The following YLPM1 variants were observed in gnomAD, a reference collection of about 807,000 sequenced individuals.
The protein encoded by YLPM1 is YLP motif-containing protein 1.
In YLPM1, 99 loss-of-function variants were observed where a neutral mutation model predicts 230.0. The ratio of observed to expected loss-of-function variants is 0.43; its 90% CI spans 0.37 to 0.51. The LOEUF is 0.51. Among genes scored for constraint, YLPM1 ranks in the 20% least tolerant of loss-of-function variants. The pLI is 0.00. For synonymous variants in YLPM1, 984 were observed against 942.5 expected, an observed-to-expected ratio of 1.04 and a Z score of -0.81; for missense variants, 2,592 against 2,707.7, an observed-to-expected ratio of 0.96 and a Z score of 0.95.
In YLPM1 at chr14:74,798,232, G is replaced by A; in HGVS notation, c.2935G>A (p.Asp979Asn). Reference protein sequence around the residue: ...TAVATSSLTADNDFKPVGIGL... With the variant: ...TAVATSSLTANNDFKPVGIGL... ...AGTAGCAACATCATCATTAACAGCA[G>A]ATAATGATTTTAAACCTGTGGGTAT... The change falls in exon 5 of 21, where the codon GAT (aspartate) becomes AAT (asparagine). Residue 979 changes from aspartate (D) to asparagine (N), a missense_variant. Transcript: ENST00000325680. The A allele has an allele frequency of 6.2e-7, 1 of 1,613,964 alleles. No homozygotes were observed. Among genetic ancestry groups the A allele is most frequent in the East Asian group, 2.2e-5 (1 of 44,864 alleles).
At chr14:74,782,354 T>C in intron 4 of YLPM1, 29 bp downstream of exon 4, 1 of 1,492,282 alleles carries the variant, frequency 6.7e-7, no homozygotes, top group Non-Finnish European at 8.8e-7. Context: ...CTCTTTTTTT[T>C]TGGTTTGGCT....
At chr14:74,833,810 C>T (rs143720674) in intron 19 of YLPM1, among the ~76,000 whole-genome samples, 9 of 152,278 alleles carry the variant, frequency 5.9e-5, no homozygotes, top group African/African-American at 2.2e-4. Flanking sequence ...CATTGCTAGT[C>T]ATGCAAATGG....
In YLPM1 at chr14:74,812,668, A is replaced by G; in HGVS notation, c.5388A>G (p.Pro1796=). 1 of 1,613,640 alleles carries G rather than the reference A, an allele frequency of 6.2e-7. No homozygotes were observed. The highest frequency in any genetic ancestry group is 1.3e-5 in the African/African-American group (1 of 75,018). Residue 1796 remains proline (P), a synonymous_variant, in exon 11 of 21, where the codon CCA becomes CCG. Transcript: ENST00000325680. Reference sequence around the variant, plus strand: ...ATCCTGAGGAGCGAATGCCTCTGCCAGCTCCTTCACTGAGCCACCAGCCTC... The same window carrying G: ...ATCCTGAGGAGCGAATGCCTCTGCCGGCTCCTTCACTGAGCCACCAGCCTC... ...RTYPEERMPL[P]APSLSHQPPP...
At chr14:74,767,818 AT>A (rs747395491) in intron 1 of YLPM1, among the ~76,000 whole-genome samples, 2,851 of 141,710 alleles carry the variant, frequency 0.02, 25 homozygotes, top group Middle Eastern at 0.051. Context: ...TGTCTTCCAC[AT>A]TTTTTTTTTT....
intron 18 of YLPM1, among the ~76,000 whole-genome samples, chr14:74,825,938 T>G (rs1594846134): frequency 1.3e-5 from 2 of 152,276 alleles, no homozygotes; most frequent in East Asian, 3.9e-4. Flanking sequence ...TTCTTGGAAT[T>G]TCTGGAAAAC....
At chr14:74,766,477 A>G (rs1353318720) in intron 1 of YLPM1, among the ~76,000 whole-genome samples, 2 of 151,826 alleles carry the variant, frequency 1.3e-5, no homozygotes, top group African/African-American at 2.4e-5. Context: ...GGCCTTTTTT[A>G]TTATTGTTGC....
intron 5 of YLPM1, among the ~76,000 whole-genome samples, chr14:74,801,487 A>G (rs1248788007): frequency 6.6e-6 from 1 of 152,126 alleles, no homozygotes; most frequent in Non-Finnish European, 1.5e-5. Context: ...GAATTTCGTC[A>G]GTTTAAAGAA....
chr14:74,809,669 C>G lies in YLPM1; in HGVS notation c.4811C>G (p.Ser1604Cys). The change falls in exon 7 of 21, where the codon TCT becomes TGT. Residue 1604 changes from serine (S) to cysteine (C), a missense_variant. Ser to Cys is a moderately radical substitution (Grantham distance 112). Around this residue, in one of 4 missense-constraint regions of YLPM1, gnomAD observed 403 missense variants for 426.7 expected, o/e 0.94. Coordinates refer to ENST00000325680, the MANE Select transcript of YLPM1 (RefSeq NM_019589.3). ...EFKSETAAIPSAPVLPPPPVH... is the reference protein window; with the variant it reads ...EFKSETAAIPCAPVLPPPPVH... ...AAGTCAGAAACTGCAGCAATTCCATCTGCTCCAGTATTACCACCCCCACCT... is the reference window on the plus strand; with the variant it reads ...AAGTCAGAAACTGCAGCAATTCCATGTGCTCCAGTATTACCACCCCCACCT... 6.2e-7 allele frequency: 1 copy of G among 1,614,072 alleles called. No homozygotes were observed. Among genetic ancestry groups the G allele is most frequent in the Non-Finnish European group, 8.5e-7 (1 of 1,179,906 alleles).
chr14:74,763,361 G>A lies in YLPM1; in HGVS notation c.-129G>A, dbSNP rs1054863835. The A allele has an allele frequency of 7.7e-6, 9 of 1,175,960 alleles. No individual in the cohort carries two copies. The highest frequency in any genetic ancestry group is 1.6e-5 in the African/African-American group (1 of 62,786). 72.8% of individuals were successfully genotyped at this position (1,175,960 alleles called of 1,614,324 possible). A position where few individuals can be genotyped will look rare whatever the true frequency, so the allele number is the denominator to read the frequency against. On this transcript the variant is annotated 5_prime_UTR_variant, in exon 1 of 21. Transcript: ENST00000325680. ...CTCGGGAGCGCCGGCGCACTGGCGC[G>A]CTCCGTTTACACGCTCCGGGGCCTG... is the stretch of plus-strand genomic sequence containing the variant.
In YLPM1 at chr14:74,835,451, A is replaced by G; in HGVS notation, c.*36+4A>G. ...ACGGAGTCATTATTCCTCTAAGGTA[A>G]GAGTACACAGTCATATAAATAGCCT... On this transcript the variant is annotated splice_donor_region_variant and intron_variant, in intron 20 of 20. Coordinates refer to ENST00000325680, the MANE Select transcript of YLPM1 (RefSeq NM_019589.3). The G allele has an allele frequency of 6.2e-7, 1 of 1,607,082 alleles. No individual in the cohort carries two copies. Among genetic ancestry groups the G allele is most frequent in the Non-Finnish European group, 8.5e-7 (1 of 1,176,236 alleles).
chr14:74,823,221 TGTGTCA>T lies in YLPM1; in HGVS notation c.6112-1032_6112-1027del, dbSNP rs1013103037. Among the ~76,000 whole-genome samples the T allele has an allele frequency of 1.6e-4, 25 of 152,090 alleles. 1 individual carries two copies. Among genetic ancestry groups the T allele is most frequent in the East Asian group, 1.2e-3 (6 of 5,198 alleles). ...AATGCTTTGTGACTTACTTTACCTGTGTGTCAGTTTGTTTCATGAACTTGAACATTC... is the reference window on the plus strand; with the variant it reads ...AATGCTTTGTGACTTACTTTACCTGTGTTTGTTTCATGAACTTGAACATTC... On this transcript the variant is annotated intron_variant, in intron 17 of 20. Coordinates refer to ENST00000325680, the MANE Select transcript of YLPM1 (RefSeq NM_019589.3).
rs999530505 is a variant in YLPM1, at chr14:74,763,316, C to T, written c.-174C>T. Reference sequence around the variant, plus strand: ...GTAGTCGCCCAAGTCGCGTCCCCGCCTTCCCGGTCGCGGGCCCAGCTCGGG... The same window carrying T: ...GTAGTCGCCCAAGTCGCGTCCCCGCTTTCCCGGTCGCGGGCCCAGCTCGGG... On this transcript the variant is annotated 5_prime_UTR_variant, in exon 1 of 21. Transcript: ENST00000325680. 1 of 673,242 alleles carries T rather than the reference C, an allele frequency of 1.5e-6. No homozygotes were observed. 41.7% of individuals were successfully genotyped at this position (673,242 alleles called of 1,614,324 possible). A position where few individuals can be genotyped will look rare whatever the true frequency, so the allele number is the denominator to read the frequency against.
chr14:74,794,695 G>A (rs1328525809), intron 4 of YLPM1, among the ~76,000 whole-genome samples: 1 of 151,152 alleles, frequency 6.6e-6, no homozygotes, highest in Non-Finnish European at 1.5e-5. Flanking sequence ...TGAAATATAA[G>A]GTTAACTCTT....
intron 19 of YLPM1, among the ~76,000 whole-genome samples, chr14:74,831,545 C>T (rs1315717031): frequency 6.6e-6 from 1 of 152,234 alleles, no homozygotes; most frequent in African/African-American, 2.4e-5. Flanking sequence ...ACTGTCTTCA[C>T]TGAGGAGTAT....
At chr14:74,823,181 T>C (rs1350453948) in intron 17 of YLPM1, among the ~76,000 whole-genome samples, 1 of 152,104 alleles carries the variant, frequency 6.6e-6, no homozygotes, top group Non-Finnish European at 1.5e-5. Context: ...GAAGCTATCA[T>C]CATGAAATCT....
At position 74,778,508 on chromosome 14, in the gene YLPM1, A is replaced by G; in HGVS notation, c.935A>G (p.His312Arg). 1 of 1,609,052 alleles carries G rather than the reference A, an allele frequency of 6.2e-7. No individual in the cohort carries two copies. Among genetic ancestry groups the G allele is most frequent in the Non-Finnish European group, 8.5e-7 (1 of 1,177,726 alleles). Residue 312 changes from histidine to arginine, a missense_variant, in exon 2 of 21, where the codon CAT becomes CGT. Around this residue, in one of 4 missense-constraint regions of YLPM1, gnomAD observed 1,862 missense variants for 1,819.8 expected, o/e 1.02. Transcript: ENST00000325680. The stretch of plus-strand genomic sequence containing the variant: ...AGTTTGCAACAGAGGACAAAAGTTC[A>G]TTTGCCAGGACACAAAAAGGGTCCT... ...LLSLQQRTKV[H>R]LPGHKKGPVV...
intron 20 of YLPM1, 22 bp from the exon 21 acceptor site, chr14:74,835,753 C>T: frequency 2.3e-6 from 1 of 430,574 alleles, no homozygotes; most frequent in South Asian, 1.7e-5. Flanking sequence ...CCAGGTGTGA[C>T]AGCCTTTTCT....
chr14:74,785,964 T>C (rs1276626602), intron 4 of YLPM1, among the ~76,000 whole-genome samples: 1 of 152,202 alleles, frequency 6.6e-6, no homozygotes. Flanking sequence ...TCAATGGATG[T>C]TGGTTTTCCA....
At chr14:74,783,304 A>G (rs559220291) in intron 4 of YLPM1, among the ~76,000 whole-genome samples, 13 of 152,232 alleles carry the variant, frequency 8.5e-5, no homozygotes, top group South Asian at 6.2e-4. Flanking sequence ...CCTGGGCTCA[A>G]GCGATCCTCC....
Sources: gnomAD v4.1 joint callset for allele counts (sites outside exome capture counted in the v4.1 genomes callset) on GRCh38, gnomAD v4.1.1 for gene constraint, gnomAD v4.1.1 regional missense constraint, MANE v1.5 for transcripts, NCBI Gene and HGNC (gene_info 2026-07-23, HGNC 2026-07-21) for gene names.